Variants in CD276 observed in about 807,000 individuals in gnomAD.
The protein encoded by CD276 is CD276 antigen.
CD276 carries 34 observed loss-of-function variants against 50.0 expected under a neutral mutation model. The ratio of observed to expected loss-of-function variants is 0.68; its 90% CI spans 0.52 to 0.91. The LOEUF (loss-of-function observed/expected upper bound fraction) is 0.91, where lower values mean the gene tolerates loss of function less well. Among genes scored for constraint, CD276 ranks in the 40% least tolerant of loss-of-function variants. The pLI is 0.00. For missense variants in CD276, 634 were observed against 717.5 expected (o/e 0.88, Z 1.33); for synonymous variants, 275 against 313.0 (o/e 0.88, Z 1.28).
chr15:73,712,905 CTTT>C, intron 9 of CD276, 26 bp from the exon 10 acceptor site: 1 of 1,610,152 alleles, frequency 6.2e-7, no homozygotes, highest in South Asian at 1.1e-5. Context: ...TTTCCCTTCC[CTTT>C]TTTTTCTTCC....
chr15:73,703,869 C>G lies in CD276; in HGVS notation c.944C>G (p.Pro315Arg), dbSNP rs148625372. 3 of 1,613,680 alleles carry G rather than the reference C, an allele frequency of 1.9e-6. No individual in the cohort carries two copies. The Admixed American group carries it at 5.0e-5, about 27-fold the overall frequency. ...TATGCCAACCGCACGGCCCTCTTCCCGGACCTGCTGGCACAAGGCAATGCA... is the reference window on the plus strand; with the variant it reads ...TATGCCAACCGCACGGCCCTCTTCCGGGACCTGCTGGCACAAGGCAATGCA... ...SAYANRTALF[P>R]DLLAQGNASL... The change falls in exon 5 of 10, where the codon CCG becomes CGG. Residue 315 changes from proline (P) to arginine (R), a missense_variant. Physicochemically the swap from Pro to Arg is moderately radical, Grantham distance 103. Transcript: ENST00000318443.
rs907020380 is a variant in CD276 at position 73,714,417 on chromosome 15, G to A, written c.*1461G>A. The stretch of plus-strand genomic sequence containing the variant: ...CGGATGTCATCTCTCCCTGCCCCAG[G>A]AATGGAAGATGTGAGGACTTCTAAT... On this transcript the variant is annotated 3_prime_UTR_variant, in exon 10 of 10. Coordinates refer to ENST00000318443, the MANE Select transcript of CD276 (RefSeq NM_001024736.2). 5 of 152,730 alleles carry A rather than the reference G, an allele frequency of 3.3e-5. No individual in the cohort carries two copies. Among genetic ancestry groups the A allele is most frequent in the African/African-American group, 9.6e-5 (4 of 41,468 alleles). The allele number at this position is 152,730 out of a possible 1,614,324, so 9.5% of individuals were successfully genotyped here. A position where few individuals can be genotyped will look rare whatever the true frequency, so the allele number is the denominator to read the frequency against.
chr15:73,700,772 G>A (rs1160120728), intron 2 of CD276, among the ~76,000 whole-genome samples: 2 of 150,416 alleles, frequency 1.3e-5, no homozygotes, highest in Non-Finnish European at 3.0e-5. Flanking sequence ...AATTAGCATT[G>A]TTTCAAGGTT....
intron 6 of CD276, among the ~76,000 whole-genome samples, chr15:73,707,771 C>G (rs1178244045): frequency 6.6e-6 from 1 of 152,192 alleles, no homozygotes; most frequent in East Asian, 1.9e-4. Context: ...GGCCCATGGG[C>G]TGTAGTTTGC....
rs188507194 is a variant in CD276 at position 73,703,690 on chromosome 15, G to A, written c.765G>A (p.Pro255=). The change falls in exon 5 of 10, where the codon CCG becomes CCA. Residue 255 remains proline (P), a synonymous_variant. Coordinates refer to ENST00000318443, the MANE Select transcript of CD276 (RefSeq NM_001024736.2). The part of the protein sequence containing the change: ...GAVEVQVPED[P]VVALVGTDAT... ...TGGAGGTCCAGGTCCCTGAGGACCC[G>A]GTGGTGGCCCTAGTGGGCACCGATG... The A allele has an allele frequency of 2.1e-5, 34 of 1,612,512 alleles. No homozygotes were observed. In the South Asian group the frequency reaches 2.2e-4, roughly 10 times the overall value.
At chr15:73,690,767 A>G (rs1400247571) in intron 1 of CD276, 3 of 455,714 alleles carry the variant, frequency 6.6e-6, no homozygotes, top group African/African-American at 4.0e-5. Context: ...ATTTGCAGCA[A>G]CACTGTGAGG....
At position 73,713,006 on chromosome 15, in the gene CD276, G is replaced by C. The variant is rs931272574; in HGVS notation, c.*50G>C. 6.3e-7 allele frequency: 1 copy of C among 1,579,474 alleles called. No homozygotes were observed. The highest frequency in any genetic ancestry group is 1.3e-5 in the African/African-American group (1 of 74,206). On this transcript the variant is annotated 3_prime_UTR_variant, in exon 10 of 10. Transcript: ENST00000318443. ...CCCTCCCTACAGCTCCTACCCTCTG[G>C]CTGCAATGGGGCTGCACTGTGAGCC...
At chr15:73,709,603 G>A in intron 7 of CD276, 45 bp from the exon 8 acceptor site, 2 of 1,603,308 alleles carry the variant, frequency 1.2e-6, no homozygotes, top group Non-Finnish European at 1.7e-6. Context: ...CATGAAAATG[G>A]GCTTGCAAAA....
chr15:73,698,804 C>T (rs746449051), intron 1 of CD276, among the ~76,000 whole-genome samples: 60 of 152,186 alleles, frequency 3.9e-4, no homozygotes, highest in Non-Finnish European at 6.3e-4. Flanking sequence ...TCAAGTGATT[C>T]GCCTGCCTCA....
intron 7 of CD276, 70 bp from the exon 8 acceptor site, chr15:73,709,578 G>T: frequency 6.7e-7 from 1 of 1,499,214 alleles, no homozygotes; most frequent in Non-Finnish European, 9.3e-7. Context: ...GCACTCTCAG[G>T]TGGGAAAGTG....
intron 6 of CD276, among the ~76,000 whole-genome samples, chr15:73,706,570 C>T (rs1302791580): frequency 1.3e-5 from 2 of 152,234 alleles, no homozygotes; most frequent in East Asian, 3.9e-4. Context: ...AGCCTAATTT[C>T]CTCTCCTTCC....
chr15:73,703,245 AG>A (rs1900490580), intron 4 of CD276, among the ~76,000 whole-genome samples, 159 bp downstream of exon 4: 1 of 151,618 alleles, frequency 6.6e-6, no homozygotes, highest in Non-Finnish European at 1.5e-5. Flanking sequence ...TGTTCACTGG[AG>A]GGGTTGGGGG....
intron 1 of CD276, among the ~76,000 whole-genome samples, chr15:73,688,998 T>TA (rs1899873408): frequency 6.6e-6 from 1 of 152,152 alleles, no homozygotes; most frequent in Non-Finnish European, 1.5e-5. Context: ...ACTCAGCAGA[T>TA]ATTGAGTGAA....
chr15:73,685,955 G>A (rs1176139276), intron 1 of CD276, among the ~76,000 whole-genome samples: 1 of 152,176 alleles, frequency 6.6e-6, no homozygotes, highest in African/African-American at 2.4e-5. Context: ...GATATCTGGA[G>A]TTCTTGAGAT....
At chr15:73,684,635 C>G (rs1008813081) in intron 1 of CD276, 175 bp downstream of exon 1, 4 of 152,220 alleles carry the variant, frequency 2.6e-5, no homozygotes, top group African/African-American at 9.7e-5. Flanking sequence ...GGCGGCCCCC[C>G]TCGCACAGGA....
At chr15:73,702,744 C>T in intron 3 of CD276, 28 bp from the exon 4 acceptor site, 1 of 1,599,116 alleles carries the variant, frequency 6.3e-7, no homozygotes, top group Non-Finnish European at 8.5e-7. Flanking sequence ...TTGCCCTGCC[C>T]TTGACCCCTG....
At chr15:73,689,811 C>T (rs1899921090) in intron 1 of CD276, among the ~76,000 whole-genome samples, 1 of 152,174 alleles carries the variant, frequency 6.6e-6, no homozygotes, top group Non-Finnish European at 1.5e-5. Flanking sequence ...ACCAGCCCAA[C>T]ATGCGATATG....
chr15:73,695,048 C>T (rs935211313), intron 1 of CD276, among the ~76,000 whole-genome samples: 1 of 152,148 alleles, frequency 6.6e-6, no homozygotes, highest in Non-Finnish European at 1.5e-5. Flanking sequence ...AAGTGGACAA[C>T]AACTAGCAGT....
chr15:73,685,949 T>A (rs987927442), intron 1 of CD276, among the ~76,000 whole-genome samples: 3 of 152,148 alleles, frequency 2.0e-5, no homozygotes, highest in African/African-American at 4.8e-5. Flanking sequence ...TTTCCTGATA[T>A]CTGGAGTTCT....
Sources: allele counts gnomAD v4.1 joint callset (sites outside exome capture counted in the v4.1 genomes callset), GRCh38; gene constraint gnomAD v4.1.1; transcripts MANE v1.5; gene names NCBI Gene and HGNC (gene_info 2026-07-23, HGNC 2026-07-21).